ENTPD5: variants seen among roughly 807,000 people sequenced by gnomAD.
ENTPD5 encodes nucleoside diphosphate phosphatase ENTPD5.
A neutral mutation model predicts 60.2 loss-of-function variants in ENTPD5; 49 were observed. The ratio of observed to expected loss-of-function variants is 0.81; its 90% CI spans 0.65 to 1.03. The LOEUF (loss-of-function observed/expected upper bound fraction) is 1.03. Ranked by LOEUF, ENTPD5 falls within the 50% of genes least tolerant of loss-of-function variation. The pLI, the probability that ENTPD5 is intolerant of heterozygous loss-of-function variation, is 0.00. For synonymous variants in ENTPD5, 187 were observed against 185.4 expected, an observed-to-expected ratio of 1.01 and a Z score of -0.07; for missense variants, 480 against 507.6, an observed-to-expected ratio of 0.95 and a Z score of 0.52.
chr14:73,976,828 A>AC (rs1377079534), intron 8 of ENTPD5, among the ~76,000 whole-genome samples, 196 bp downstream of exon 8: 11 of 151,492 alleles, frequency 7.3e-5, no homozygotes, highest in African/African-American at 2.7e-4. Context: ...CTGGTCTTGA[A>AC]CTCCTGGCCT....
In ENTPD5 at chr14:73,965,145, A is replaced by G. The variant is rs778438758; in HGVS notation, c.*1783T>C. 14 of 152,216 alleles carry G rather than the reference A, an allele frequency of 9.2e-5. No homozygotes were observed. Among genetic ancestry groups the G allele is most frequent in the Non-Finnish European group, 1.9e-4 (13 of 68,028 alleles). The allele number at this position is 152,216 out of a possible 1,614,324, so 9.4% of individuals were successfully genotyped here. ...GAATTTTAGGGACAAGGATACAGAA[A>G]TTTGCCTAGTAACTTGCACACAGCA... is the stretch of plus-strand genomic sequence containing the variant. On this transcript the variant is annotated 3_prime_UTR_variant, in exon 16 of 16. Coordinates refer to ENST00000334696, the MANE Select transcript of ENTPD5 (RefSeq NM_001249.5).
intron 3 of ENTPD5, among the ~76,000 whole-genome samples, chr14:74,000,642 G>C (rs1018316944): frequency 1.3e-5 from 2 of 151,840 alleles, no homozygotes; most frequent in Admixed American, 6.6e-5. Flanking sequence ...TTGTCCAGGC[G>C]TGGTGGTGTG....
intron 5 of ENTPD5, 58 bp downstream of exon 5, chr14:73,986,756 G>A: frequency 8.7e-7 from 1 of 1,152,776 alleles, no homozygotes. Context: ...TAACAGCAGT[G>A]GTGTGGTCAA....
At chr14:74,005,181 G>A (rs1416510678) in intron 3 of ENTPD5, among the ~76,000 whole-genome samples, 3 of 145,830 alleles carry the variant, frequency 2.1e-5, no homozygotes, top group Non-Finnish European at 3.0e-5. Flanking sequence ...CAGGAGAATT[G>A]CTTGAACCCG....
chr14:73,988,142 A>G lies in ENTPD5; in HGVS notation c.-40T>C, dbSNP rs773200946. 15 of 1,577,800 alleles carry G rather than the reference A, an allele frequency of 9.5e-6. No homozygotes were observed. The Admixed American group carries it at 1.1e-4, about 12-fold the overall frequency. ...GTGGCTGGGTGGAGGCTTTTGTTGC[A>G]GAAGCAATCCTGCTCGCACACCTGC... On this transcript the variant is annotated 5_prime_UTR_variant, in exon 4 of 16. Coordinates refer to ENST00000334696, the MANE Select transcript of ENTPD5 (RefSeq NM_001249.5).
intron 2 of ENTPD5, among the ~76,000 whole-genome samples, chr14:74,014,384 C>A (rs914168193): frequency 2.7e-5 from 4 of 148,172 alleles, no homozygotes; most frequent in South Asian, 4.7e-4. Context: ...CTTTACTCCC[C>A]CCCCCCACAA....
chr14:74,006,556 T>C (rs1199922812), intron 3 of ENTPD5, among the ~76,000 whole-genome samples: 1 of 151,798 alleles, frequency 6.6e-6, no homozygotes, highest in Non-Finnish European at 1.5e-5. Context: ...GTGCTGATAT[T>C]ACAGGTGTGA....
At chr14:74,015,046 A>C (rs1594967971) in intron 2 of ENTPD5, among the ~76,000 whole-genome samples, 1 of 150,680 alleles carries the variant, frequency 6.6e-6, no homozygotes, top group Non-Finnish European at 1.5e-5. Flanking sequence ...GTGCCACTGC[A>C]CTCCAGCCTG....
At chr14:73,980,093 C>G (rs1282064242) in intron 6 of ENTPD5, among the ~76,000 whole-genome samples, 1 of 151,690 alleles carries the variant, frequency 6.6e-6, no homozygotes, top group Non-Finnish European at 1.5e-5. Context: ...ATTACAGATG[C>G]CTGCCACCAT....
chr14:73,958,200 C>T (rs765468843), downstream of ENTPD5: 11 of 1,613,968 alleles, frequency 6.8e-6, no homozygotes, highest in South Asian at 2.2e-5. Context: ...CTGGCCTTGT[C>T]CATTTCCTAT....
At chr14:74,014,855 A>G (rs2058966664) in intron 2 of ENTPD5, among the ~76,000 whole-genome samples, 1 of 152,160 alleles carries the variant, frequency 6.6e-6, no homozygotes, top group Admixed American at 6.6e-5. Context: ...CGAGGCAGGC[A>G]GATCACTTGA....
chr14:74,009,854 T>C (rs1331733048), intron 3 of ENTPD5, among the ~76,000 whole-genome samples: 1 of 152,044 alleles, frequency 6.6e-6, no homozygotes, highest in Non-Finnish European at 1.5e-5. Context: ...TGCAGTGGCA[T>C]GATCTCGGCT....
At chr14:73,994,063 T>C (rs1421793989) in intron 3 of ENTPD5, among the ~76,000 whole-genome samples, 1 of 152,146 alleles carries the variant, frequency 6.6e-6, no homozygotes, top group Non-Finnish European at 1.5e-5. Context: ...CTAAACCACT[T>C]GCAATCGCAC....
chr14:73,962,763 G>T, downstream of ENTPD5: 1 of 591,230 alleles, frequency 1.7e-6, no homozygotes. Context: ...GCTGCAGTGA[G>T]CTATGATCAC....
chr14:73,982,219 C>A (rs531140616), intron 6 of ENTPD5, among the ~76,000 whole-genome samples: 4 of 151,900 alleles, frequency 2.6e-5, no homozygotes, highest in African/African-American at 7.3e-5. Context: ...GGACTACAGG[C>A]GTGCGCCACA....
chr14:73,968,705 C>T (rs571382384), intron 15 of ENTPD5, among the ~76,000 whole-genome samples: 3 of 152,180 alleles, frequency 2.0e-5, no homozygotes, highest in South Asian at 2.1e-4. Context: ...GGATTACAGG[C>T]GTGAGCCATC....
At chr14:74,006,071 C>T (rs1485522131) in intron 3 of ENTPD5, among the ~76,000 whole-genome samples, 1 of 152,014 alleles carries the variant, frequency 6.6e-6, no homozygotes, top group Non-Finnish European at 1.5e-5. Context: ...TCACCACAAC[C>T]TCTGCCTCCC....
chr14:74,013,581 C>A (rs756804102), intron 2 of ENTPD5, among the ~76,000 whole-genome samples: 9 of 151,912 alleles, frequency 5.9e-5, no homozygotes, highest in Non-Finnish European at 1.3e-4. Context: ...CCAATGTAGC[C>A]CAAGGAAGCC....
intron 11 of ENTPD5, among the ~76,000 whole-genome samples, 167 bp from the exon 12 acceptor site, chr14:73,974,145 G>A (rs1210667147): frequency 1.3e-5 from 2 of 152,140 alleles, no homozygotes; most frequent in South Asian, 2.1e-4. Flanking sequence ...TTAACTCAGG[G>A]TTCAAAGATA....
Sources: allele counts gnomAD v4.1 joint callset (sites outside exome capture counted in the v4.1 genomes callset), GRCh38; gene constraint gnomAD v4.1.1; transcripts MANE v1.5; gene names NCBI Gene and HGNC (gene_info 2026-07-23, HGNC 2026-07-21).